The following MARCHF1 variants were observed in gnomAD, a reference collection of about 807,000 sequenced individuals.
The protein encoded by MARCHF1 is membrane associated ring-CH-type finger 1, also known as E3 ubiquitin-protein ligase MARCHF1.
A neutral mutation model predicts 54.2 loss-of-function variants in MARCHF1; 40 were observed. The ratio of observed to expected loss-of-function variants is 0.74; its 90% CI spans 0.57 to 0.96. The LOEUF (loss-of-function observed/expected upper bound fraction) is 0.96, where lower values mean the gene tolerates loss of function less well. Ranked by LOEUF, MARCHF1 falls within the 40% of genes least tolerant of loss-of-function variation. MARCHF1 has a pLI of 0.00. For synonymous variants in MARCHF1, 236 were observed against 236.3 expected (o/e 1.00, Z 0.01); for missense variants, 586 against 656.5 (o/e 0.89, Z 1.17).
rs74896569 is a variant in MARCHF1, at chr4:163,876,950, C to T, written c.-38-22781G>A. ...AATAATGATAATTAATAGGCCATAA[C>T]GAAAAAGATAACCTTATGGATTCAA... is the stretch of plus-strand genomic sequence containing the variant. On this transcript the variant is annotated intron_variant, in intron 3 of 9. Transcript: ENST00000514618. 1.9e-3 allele frequency among the ~76,000 whole-genome samples: 285 copies of T among 151,966 alleles called. 5 individuals carry two copies. In the East Asian group the frequency reaches 0.022, roughly 12 times the overall value.
At chr4:164,225,261 G>C (rs1732219247) in intron 1 of MARCHF1, among the ~76,000 whole-genome samples, 1 of 151,968 alleles carries the variant, frequency 6.6e-6, no homozygotes, top group South Asian at 2.1e-4. Context: ...TAGATTTTTT[G>C]TCTCAAGTAT....
rs933818467 is a variant in MARCHF1 at position 163,525,124 on chromosome 4, T to G, written c.*3624A>C. The G allele has an allele frequency of 1.3e-5, 2 of 152,158 alleles. No individual in the cohort carries two copies. The highest frequency in any genetic ancestry group is 4.8e-5 in the African/African-American group (2 of 41,448). 9.4% of individuals were successfully genotyped at this position (152,158 alleles called of 1,614,324 possible). A position where few individuals can be genotyped will look rare whatever the true frequency, so the allele number is the denominator to read the frequency against. The stretch of plus-strand genomic sequence containing the variant: ...CTAATAACTTTTAAGAGCTGTACTC[T>G]GTTCTATAATATTCATTTTCAAGGC... On this transcript the variant is annotated 3_prime_UTR_variant, in exon 10 of 10. Transcript: ENST00000514618.
At chr4:164,292,309 A>G (rs909739198) in intron 1 of MARCHF1, among the ~76,000 whole-genome samples, 3 of 152,132 alleles carry the variant, frequency 2.0e-5, no homozygotes, top group African/African-American at 7.2e-5. Context: ...ACACTTTGCA[A>G]TTCAAAGTGA....
chr4:163,771,099 T>C (rs1267829306), intron 4 of MARCHF1, among the ~76,000 whole-genome samples: 1 of 152,260 alleles, frequency 6.6e-6, no homozygotes, highest in East Asian at 1.9e-4. Context: ...TGCTAACATA[T>C]GTACTTTTAG....
intron 1 of MARCHF1, among the ~76,000 whole-genome samples, chr4:164,158,566 G>A (rs1730145107): frequency 6.6e-6 from 1 of 152,094 alleles, no homozygotes; most frequent in African/African-American, 2.4e-5. Flanking sequence ...ACTTGAACCA[G>A]GGAGGCAGAG....
intron 2 of MARCHF1, among the ~76,000 whole-genome samples, chr4:164,095,318 T>C (rs1490999122): frequency 6.6e-6 from 1 of 152,032 alleles, no homozygotes; most frequent in South Asian, 2.1e-4. Context: ...TAATAGCATA[T>C]ATGACTAGTG....
chr4:164,220,073 G>A (rs1181339135), intron 1 of MARCHF1, among the ~76,000 whole-genome samples: 1 of 151,512 alleles, frequency 6.6e-6, no homozygotes, highest in African/African-American at 2.4e-5. Flanking sequence ...CTTTACAAAT[G>A]GACTATCTAA....
intron 1 of MARCHF1, among the ~76,000 whole-genome samples, chr4:164,330,748 A>G (rs1434681611): frequency 2.0e-5 from 3 of 152,206 alleles, no homozygotes; most frequent in Non-Finnish European, 4.4e-5. Flanking sequence ...GCAAAATACC[A>G]AAATCATACT....
At chr4:163,585,615 A>G (rs1740384733) in intron 8 of MARCHF1, 134 bp downstream of exon 8, 2 of 593,498 alleles carry the variant, frequency 3.4e-6, no homozygotes, top group African/African-American at 3.7e-5. Flanking sequence ...TTGTGCACTG[A>G]GCTCAACACA....
intron 2 of MARCHF1, among the ~76,000 whole-genome samples, chr4:164,100,303 A>C (rs1426871465): frequency 2.0e-5 from 3 of 152,240 alleles, no homozygotes; most frequent in Non-Finnish European, 4.4e-5. Flanking sequence ...TAAACTCATT[A>C]AGAGAGTCAA....
intron 5 of MARCHF1, among the ~76,000 whole-genome samples, chr4:163,623,832 C>G (rs1301905139): frequency 1.4e-4 from 22 of 152,132 alleles, no homozygotes. Context: ...CCTAAATCCC[C>G]TACCTGCACC....
chr4:163,897,119 T>C (rs1270103129), intron 3 of MARCHF1, among the ~76,000 whole-genome samples: 1 of 152,222 alleles, frequency 6.6e-6, no homozygotes, highest in African/African-American at 2.4e-5. Context: ...CCAATTTTTA[T>C]GGAGTAACAC....
At chr4:164,173,447 T>C (rs1053949091) in intron 1 of MARCHF1, among the ~76,000 whole-genome samples, 2 of 152,194 alleles carry the variant, frequency 1.3e-5, no homozygotes, top group African/African-American at 4.8e-5. Context: ...GACAAATTGT[T>C]AGATTAAAAT....
intron 4 of MARCHF1, among the ~76,000 whole-genome samples, chr4:163,749,906 A>AG (rs1232416826): frequency 6.6e-6 from 1 of 151,908 alleles, no homozygotes; most frequent in East Asian, 1.9e-4. Context: ...TGTTAAAAAA[A>AG]AAATACAAAA....
chr4:164,168,692 A>AG (rs573564243), intron 1 of MARCHF1, among the ~76,000 whole-genome samples: 275 of 152,024 alleles, frequency 1.8e-3, no homozygotes, highest in African/African-American at 6.5e-3. Flanking sequence ...ACACACACAA[A>AG]CACATAGACA....
At chr4:163,794,725 C>T (rs557451690) in intron 4 of MARCHF1, among the ~76,000 whole-genome samples, 12 of 152,090 alleles carry the variant, frequency 7.9e-5, no homozygotes, top group South Asian at 4.1e-4. Flanking sequence ...AAATTCTATA[C>T]ATATAATTAT....
At chr4:164,327,225 C>T (rs1735307474) in intron 1 of MARCHF1, among the ~76,000 whole-genome samples, 1 of 152,100 alleles carries the variant, frequency 6.6e-6, no homozygotes, top group African/African-American at 2.4e-5. Flanking sequence ...TGTAAAACAG[C>T]TCCTATTAGA....
At chr4:163,552,312 C>T (rs991507603) in intron 8 of MARCHF1, among the ~76,000 whole-genome samples, 2 of 152,194 alleles carry the variant, frequency 1.3e-5, no homozygotes, top group Non-Finnish European at 2.9e-5. Context: ...CCTGGGAGAT[C>T]ACCAACCCAA....
rs1246553006 is a variant in MARCHF1 at position 164,032,519 on chromosome 4, T to TTCTG, written c.-247-43814_-247-43811dup. 9.8e-5 allele frequency among the ~76,000 whole-genome samples: 15 copies of TTCTG among 152,294 alleles called. No homozygotes were observed. The South Asian group carries it at 3.1e-3, about 32-fold the overall frequency. On this transcript the variant is annotated intron_variant, in intron 2 of 9. Transcript: ENST00000514618. ...CACTGCTTTAGCTGTGTCTCAGAGA[T>TTCTG]TCTGGTATGTTGTCTCTTTGATTCA...
Sources: gnomAD v4.1 joint callset for allele counts (sites outside exome capture counted in the v4.1 genomes callset) on GRCh38, gnomAD v4.1.1 for gene constraint, MANE v1.5 for transcripts, NCBI Gene and HGNC (gene_info 2026-07-23, HGNC 2026-07-21) for gene names.